KALRN: variants seen among roughly 807,000 people sequenced by gnomAD.
The protein encoded by KALRN is kalirin.
In KALRN, 70 loss-of-function variants were observed where a neutral mutation model predicts 353.7. The ratio of observed to expected loss-of-function variants is 0.20; its 90% confidence interval spans 0.16 to 0.24. The LOEUF (loss-of-function observed/expected upper bound fraction) is 0.24, where lower values mean the gene tolerates loss of function less well. KALRN is among the 10% of genes least tolerant of loss of function. The pLI is 1.00. For missense variants in KALRN, 2,791 were observed against 3,756.7 expected, an observed-to-expected ratio of 0.74 and a Z score of 6.72; for synonymous variants, 1,391 against 1,434.8, an observed-to-expected ratio of 0.97 and a Z score of 0.69.
chr3:124,671,222 T>G (rs1559818304), intron 47 of KALRN, among the ~76,000 whole-genome samples: 1 of 152,246 alleles, frequency 6.6e-6, no homozygotes. Context: ...CCAGACTCAT[T>G]GGACTCACTT....
At chr3:124,224,269 A>G (rs1385158854) in intron 1 of KALRN, among the ~76,000 whole-genome samples, 1 of 149,458 alleles carries the variant, frequency 6.7e-6, no homozygotes, top group Non-Finnish European at 1.5e-5. Context: ...TGATTGGTCT[A>G]GAGCAGGAGT....
intron 1 of KALRN, among the ~76,000 whole-genome samples, chr3:124,212,958 T>C (rs2077023846): frequency 6.6e-6 from 1 of 152,138 alleles, no homozygotes; most frequent in African/African-American, 2.4e-5. Context: ...TAGGGAGCAG[T>C]AATTTTTTCT....
Position 124,678,220 on chromosome 3 carries a change from G to A in KALRN, c.7224G>A (p.Met2408Ile). 2 of 1,614,040 alleles carry A rather than the reference G, an allele frequency of 1.2e-6. No individual in the cohort carries two copies. The highest frequency in any genetic ancestry group is 1.7e-6 in the Non-Finnish European group (2 of 1,179,936). The change falls in exon 50 of 60, where the codon ATG becomes ATA. Residue 2408 changes from methionine (M) to isoleucine (I), a missense_variant. Met to Ile is a conservative substitution (Grantham distance 10). Coordinates refer to ENST00000682506, the MANE Select transcript of KALRN (RefSeq NM_001388419.1). ...CATGTTCATGGCATACTCTACGCAT[G>A]AGAAAGCGGGCGGAAGTGGAGAACA... ...KKSCSWHTLR[M>I]RKRAEVENTG... is the part of the protein sequence containing the mutation.
intron 13 of KALRN, among the ~76,000 whole-genome samples, chr3:124,401,687 A>C (rs938177620): frequency 2.0e-5 from 3 of 152,092 alleles, no homozygotes; most frequent in Non-Finnish European, 4.4e-5. Context: ...CCTCTGGTGT[A>C]GGCTATAACG....
In KALRN at chr3:124,137,345, C is replaced by T. The variant is rs2066044867; in HGVS notation, c.74-90645C>T. ...AGAGTGGGGAGAAGAGTCCAGTTGG[C>T]TGTGTGGCTGGGAAGGCTGTGAGCC... On this transcript the variant is annotated intron_variant, in intron 1 of 59. Transcript: ENST00000682506. Among the ~76,000 whole-genome samples the T allele has an allele frequency of 2.0e-5, 3 of 152,012 alleles. No homozygotes were observed. The South Asian group carries it at 6.2e-4, about 32-fold the overall frequency.
intron 1 of KALRN, among the ~76,000 whole-genome samples, chr3:124,035,427 C>T (rs2149042333): frequency 6.6e-6 from 1 of 152,270 alleles, no homozygotes; most frequent in South Asian, 2.1e-4. Flanking sequence ...GCTGACCCCC[C>T]TTGCCTCCCA....
chr3:124,189,766 C>T (rs1399148931), intron 1 of KALRN, among the ~76,000 whole-genome samples: 2 of 152,000 alleles, frequency 1.3e-5, no homozygotes, highest in African/African-American at 4.8e-5. Flanking sequence ...GGTGAAAACC[C>T]ATCTCTACTA....
chr3:124,234,722 C>A, intron 2 of KALRN, 107 bp from the exon 3 acceptor site: 1 of 810,984 alleles, frequency 1.2e-6, no homozygotes, highest in South Asian at 1.6e-5. Context: ...TCTCTGGATA[C>A]CCTATTTCTG....
chr3:124,189,712 G>A (rs2074669713), intron 1 of KALRN, among the ~76,000 whole-genome samples: 1 of 152,180 alleles, frequency 6.6e-6, no homozygotes. Context: ...GGCCGAGGCA[G>A]GTGGATCACA....
intron 1 of KALRN, among the ~76,000 whole-genome samples, chr3:124,226,098 T>C (rs997157614): frequency 6.6e-6 from 1 of 152,224 alleles, no homozygotes; most frequent in African/African-American, 2.4e-5. Context: ...AGAAGCATCA[T>C]TGTTCACAAA....
chr3:124,485,423 A>T (rs896836139), intron 28 of KALRN, among the ~76,000 whole-genome samples: 1 of 152,192 alleles, frequency 6.6e-6, no homozygotes, highest in Admixed American at 6.5e-5. Context: ...TTGAGGATGG[A>T]ATAGGCTTGT....
chr3:124,260,644 G>T (rs1243336727), intron 3 of KALRN, among the ~76,000 whole-genome samples: 1 of 152,074 alleles, frequency 6.6e-6, no homozygotes, highest in Non-Finnish European at 1.5e-5. Flanking sequence ...GCCTAGAAGG[G>T]GAAGAGGGAT....
chr3:124,136,942 G>A (rs188849937), intron 1 of KALRN, among the ~76,000 whole-genome samples: 3 of 152,248 alleles, frequency 2.0e-5, no homozygotes, highest in Admixed American at 6.5e-5. Flanking sequence ...GGTGGGGAGC[G>A]AGGCCCTGAG....
chr3:124,465,492 A>G (rs1561030883), intron 25 of KALRN, among the ~76,000 whole-genome samples: 1 of 152,212 alleles, frequency 6.6e-6, no homozygotes, highest in Non-Finnish European at 1.5e-5. Flanking sequence ...CAAGACAGAG[A>G]AAACCATTAG....
intron 1 of KALRN, among the ~76,000 whole-genome samples, chr3:124,034,204 G>A (rs1164050701): frequency 6.6e-6 from 1 of 151,956 alleles, no homozygotes; most frequent in Non-Finnish European, 1.5e-5. Flanking sequence ...CTGTCAGCGG[G>A]GCTCCCGGCG....
intron 33 of KALRN, among the ~76,000 whole-genome samples, chr3:124,554,677 C>A (rs2070988700): frequency 6.6e-6 from 1 of 152,114 alleles, no homozygotes; most frequent in Non-Finnish European, 1.5e-5. Flanking sequence ...ATTTTGGTCT[C>A]TGTTAGAGAG....
intron 34 of KALRN, among the ~76,000 whole-genome samples, chr3:124,591,064 G>A (rs573960685): frequency 3.9e-5 from 6 of 152,008 alleles, no homozygotes; most frequent in Non-Finnish European, 5.9e-5. Flanking sequence ...GTGTTGATCT[G>A]TTGTTTCTGG....
chr3:124,633,632 T>C (rs1038775471), intron 35 of KALRN, among the ~76,000 whole-genome samples: 2 of 83,524 alleles, frequency 2.4e-5, no homozygotes, highest in African/African-American at 1.3e-4. Context: ...TGCTTCTTTT[T>C]GGGGGTGTGT....
chr3:124,158,667 A>T (rs2149994348), intron 1 of KALRN, among the ~76,000 whole-genome samples: 1 of 152,284 alleles, frequency 6.6e-6, no homozygotes, highest in Admixed American at 6.5e-5. Flanking sequence ...GAGGCCAGCC[A>T]GGGTACCCTC....
Sources: gnomAD v4.1 joint callset for allele counts (sites outside exome capture counted in the v4.1 genomes callset) on GRCh38, gnomAD v4.1.1 for gene constraint, MANE v1.5 for transcripts, NCBI Gene and HGNC (gene_info 2026-07-23, HGNC 2026-07-21) for gene names.